SCN10A: variants seen among roughly 807,000 people sequenced by gnomAD.
SCN10A encodes the protein sodium channel protein type 10 subunit alpha.
SCN10A carries 162 observed loss-of-function variants against 170.7 expected under a neutral mutation model. That is an observed-to-expected ratio of 0.95 (90% confidence interval 0.84 to 1.08). The LOEUF (loss-of-function observed/expected upper bound fraction) is 1.08, where lower values mean the gene tolerates loss of function less well. Among genes scored for constraint, SCN10A ranks in the 50% least tolerant of loss-of-function variants. The pLI is 0.00. For missense variants in SCN10A, 2,527 were observed against 2,436.9 expected, an observed-to-expected ratio of 1.04 and a Z score of -0.78; for synonymous variants, 985 against 904.6, an observed-to-expected ratio of 1.09 and a Z score of -1.59.
intron 1 of SCN10A, among the ~76,000 whole-genome samples, chr3:38,795,390 G>C (rs1210392968): frequency 1.1e-4 from 15 of 137,372 alleles, no homozygotes; most frequent in Non-Finnish European, 1.5e-4. Flanking sequence ...ACCCGGACTA[G>C]AGTGCAGTGG....
intron 3 of SCN10A, among the ~76,000 whole-genome samples, chr3:38,791,536 T>C (rs2064281027): frequency 3.3e-5 from 5 of 152,212 alleles, no homozygotes; most frequent in Admixed American, 2.0e-4. Context: ...ATTGAGACTA[T>C]GTGTGCTCTT....
At chr3:38,769,046 T>C (rs1310627100) in intron 5 of SCN10A, among the ~76,000 whole-genome samples, 1 of 152,102 alleles carries the variant, frequency 6.6e-6, no homozygotes, top group Non-Finnish European at 1.5e-5. Context: ...AGTCTATTGT[T>C]GAAACTTTCC....
At chr3:38,705,168 G>A (rs1001117067) in intron 26 of SCN10A, among the ~76,000 whole-genome samples, 3 of 152,176 alleles carry the variant, frequency 2.0e-5, no homozygotes, top group Non-Finnish European at 4.4e-5. Flanking sequence ...TGGCATCCCT[G>A]CCACTTCAAA....
chr3:38,742,953 C>T (rs977465683), intron 13 of SCN10A, among the ~76,000 whole-genome samples: 2 of 152,204 alleles, frequency 1.3e-5, no homozygotes, highest in Non-Finnish European at 2.9e-5. Flanking sequence ...TTGCACCCAA[C>T]CAGCTGGACC....
In SCN10A at chr3:38,698,264, C is replaced by A; in HGVS notation, c.4956G>T (p.Leu1652=). ...CCGACGTGGTAATCTGGAAGAGGCA[C>A]AGCATGCTGTTGGCGAAGGTCTGGA... The part of the protein sequence containing the change: ...FNFQTFANSM[L]CLFQITTSAG... Residue 1652 remains leucine (L), a synonymous_variant, in exon 28 of 28, where the codon CTG becomes CTT. Coordinates refer to ENST00000449082, the MANE Select transcript of SCN10A (RefSeq NM_006514.4). 6.2e-7 allele frequency: 1 copy of A among 1,614,130 alleles called. No homozygotes were observed. The highest frequency in any genetic ancestry group is 8.5e-7 in the Non-Finnish European group (1 of 1,180,008).
At chr3:38,793,668 C>T in intron 2 of SCN10A, 73 bp downstream of exon 2, 1 of 1,527,738 alleles carries the variant, frequency 6.5e-7, no homozygotes, top group Non-Finnish European at 8.9e-7. Context: ...CCAAGGAGGA[C>T]TTTCTGGGCT....
intron 3 of SCN10A, among the ~76,000 whole-genome samples, 195 bp downstream of exon 3, chr3:38,791,852 ACTT>A (rs2064284909): frequency 6.6e-6 from 1 of 152,140 alleles, no homozygotes; most frequent in African/African-American, 2.4e-5. Context: ...TTGCATAAAC[ACTT>A]CTTCTGTGTC....
intron 23 of SCN10A, among the ~76,000 whole-genome samples, chr3:38,711,880 GGT>G (rs1317925792): frequency 6.6e-6 from 1 of 152,222 alleles, no homozygotes; most frequent in African/African-American, 2.4e-5. Context: ...ATTTTGTACA[GGT>G]TCTGTGTTTT....
intron 4 of SCN10A, among the ~76,000 whole-genome samples, chr3:38,772,200 C>A (rs1476780253): frequency 2.0e-5 from 3 of 151,626 alleles, no homozygotes; most frequent in African/African-American, 7.3e-5. Flanking sequence ...GTTAAGTTTC[C>A]AGAAGATAAT....
rs1420941706 is a variant in SCN10A, at chr3:38,698,043, T to C, written c.5177A>G (p.Asn1726Ser). The C allele has an allele frequency of 4.3e-6, 7 of 1,614,002 alleles. No individual in the cohort carries two copies. The highest frequency in any genetic ancestry group is 3.3e-5 in the Admixed American group (2 of 59,996). The change falls in exon 28 of 28, where the codon AAT becomes AGT. Residue 1726 changes from asparagine to serine, a missense_variant. Coordinates refer to ENST00000449082, the MANE Select transcript of SCN10A (RefSeq NM_006514.4). ...MYIAVILENF[N>S]VATEESTEPL... ...CTCAGTGCTCTCCTCCGTGGCCACA[T>C]TGAAGTTCTCCAGAATCACTGCAAT...
chr3:38,712,548 G>T, intron 22 of SCN10A, 103 bp from the exon 23 acceptor site: 1 of 1,207,882 alleles, frequency 8.3e-7, no homozygotes, highest in Non-Finnish European at 1.2e-6. Context: ...TGAGCCAGTG[G>T]CCTTTGGAAG....
At chr3:38,786,274 T>G (rs2064200864) in intron 4 of SCN10A, among the ~76,000 whole-genome samples, 1 of 152,120 alleles carries the variant, frequency 6.6e-6, no homozygotes, top group African/African-American at 2.4e-5. Context: ...ATGGCACATA[T>G]ACACCATGGA....
intron 25 of SCN10A, among the ~76,000 whole-genome samples, chr3:38,708,533 C>T (rs2063235636): frequency 6.6e-6 from 1 of 152,072 alleles, no homozygotes; most frequent in Non-Finnish European, 1.5e-5. Context: ...GAATGCCTGC[C>T]CTAGTAGGTA....
chr3:38,803,164 G>A (rs959342141), intron 1 of SCN10A, among the ~76,000 whole-genome samples: 3 of 152,150 alleles, frequency 2.0e-5, no homozygotes, highest in Non-Finnish European at 4.4e-5. Context: ...GTGCTGGAGA[G>A]GATGTGGAGA....
chr3:38,793,113 C>T (rs6599260), intron 2 of SCN10A, among the ~76,000 whole-genome samples: 120,358 of 151,896 alleles, frequency 0.79, 48,271 homozygotes, highest in African/African-American at 0.9. Context: ...ATTAGAAATT[C>T]AAAACTCAGG....
chr3:38,783,878 T>G (rs896785981), intron 4 of SCN10A, among the ~76,000 whole-genome samples: 11 of 152,208 alleles, frequency 7.2e-5, no homozygotes, highest in African/African-American at 2.6e-4. Context: ...ATTGTGACAC[T>G]TTAAAAAATT....
Position 38,752,524 on chromosome 3 carries a change from C to T in SCN10A, c.1462-12G>A. 1 of 1,538,044 alleles carries T rather than the reference C, an allele frequency of 6.5e-7. No individual in the cohort carries two copies. The highest frequency in any genetic ancestry group is 8.8e-7 in the Non-Finnish European group (1 of 1,142,404). ...AGGCCTAGAAAAGACTGGGCATTGC[C>T]CCAAAGGAGCAAGAAGGCTGGAAAC... On this transcript the variant is annotated splice_polypyrimidine_tract_variant and intron_variant, in intron 11 of 27. Transcript: ENST00000449082.
At chr3:38,776,931 A>G (rs1032851007) in intron 4 of SCN10A, among the ~76,000 whole-genome samples, 5 of 152,118 alleles carry the variant, frequency 3.3e-5, no homozygotes, top group Non-Finnish European at 7.4e-5. Context: ...AACAGATGAA[A>G]GACTATATGA....
intron 4 of SCN10A, among the ~76,000 whole-genome samples, chr3:38,773,090 AG>A: frequency 6.6e-6 from 1 of 152,340 alleles, no homozygotes; most frequent in Non-Finnish European, 1.5e-5. Context: ...TTTCTAATAC[AG>A]AAGTCTTTCC....
Sources: allele counts gnomAD v4.1 joint callset (sites outside exome capture counted in the v4.1 genomes callset), GRCh38; gene constraint gnomAD v4.1.1; transcripts MANE v1.5; gene names NCBI Gene and HGNC (gene_info 2026-07-23, HGNC 2026-07-21).